Variants in MSRA observed in about 807,000 individuals in gnomAD.
The protein encoded by MSRA is methionine sulfoxide reductase A.
Under a neutral mutation model 31.3 loss-of-function variants are expected in MSRA, and 54 were observed. That is an observed-to-expected ratio of 1.73 (90% CI 1.39 to 2.17). The LOEUF (loss-of-function observed/expected upper bound fraction) is 2.17. Ranked by LOEUF, MSRA falls within the 30% of genes most tolerant of loss-of-function variation. The pLI is 0.00. For synonymous variants in MSRA, 169 were observed against 116.5 expected (o/e 1.45, Z -2.90); for missense variants, 507 against 300.9 (o/e 1.69, Z -5.07).
intron 5 of MSRA, among the ~76,000 whole-genome samples, chr8:10,423,623 G>GGGCT (rs1808948324): frequency 6.6e-6 from 1 of 152,172 alleles, no homozygotes; most frequent in Non-Finnish European, 1.5e-5. Context: ...AAGAGCAAAT[G>GGGCT]GGCTTTTTCA....
intron 5 of MSRA, among the ~76,000 whole-genome samples, chr8:10,380,950 T>C (rs1447062359): frequency 6.6e-6 from 1 of 151,416 alleles, no homozygotes; most frequent in Non-Finnish European, 1.5e-5. Flanking sequence ...GAGGGAGGCA[T>C]GGATAGATGG....
chr8:10,130,544 A>G (rs552763249), intron 1 of MSRA, among the ~76,000 whole-genome samples: 2 of 152,288 alleles, frequency 1.3e-5, no homozygotes, highest in Non-Finnish European at 2.9e-5. Context: ...CTGGGAAGCT[A>G]TTAGACAAAA....
chr8:10,139,880 G>T (rs1162796186), intron 1 of MSRA, among the ~76,000 whole-genome samples: 9 of 152,066 alleles, frequency 5.9e-5, no homozygotes, highest in African/African-American at 2.2e-4. Context: ...GTTTTCCTCA[G>T]TGTTGTGTGT....
At chr8:10,292,344 G>GT (rs1409969801) in intron 3 of MSRA, among the ~76,000 whole-genome samples, 1 of 152,226 alleles carries the variant, frequency 6.6e-6, no homozygotes, top group African/African-American at 2.4e-5. Context: ...CACATGCCCA[G>GT]TCCTGGGGCC....
At chr8:10,412,023 C>T (rs998852503) in intron 5 of MSRA, among the ~76,000 whole-genome samples, 1 of 152,226 alleles carries the variant, frequency 6.6e-6, no homozygotes, top group Non-Finnish European at 1.5e-5. Context: ...CAGGAGTACT[C>T]ATTTAAAATT....
intron 5 of MSRA, among the ~76,000 whole-genome samples, chr8:10,370,247 A>C (rs1033422712): frequency 6.6e-6 from 1 of 152,222 alleles, no homozygotes. Flanking sequence ...TCACATAACC[A>C]ATAAGTGGCA....
chr8:10,257,192 G>A (rs971468363), intron 3 of MSRA, among the ~76,000 whole-genome samples: 1 of 152,106 alleles, frequency 6.6e-6, no homozygotes, highest in Non-Finnish European at 1.5e-5. Flanking sequence ...GGCACGTACA[G>A]ACAGAAGCAT....
chr8:10,186,436 T>C (rs1807061263), intron 1 of MSRA, among the ~76,000 whole-genome samples: 1 of 152,196 alleles, frequency 6.6e-6, no homozygotes. Flanking sequence ...TTTGAATCTC[T>C]TAGAATTTGC....
In MSRA at chr8:10,301,599, C is replaced by G; in HGVS notation, c.397C>G (p.Leu133Val). Reference sequence around the variant, plus strand: ...GCCAGAACACATGAGTTTTGAGGAACTGCTCAAGGTCTTCTGGGAGAATCA... The same window carrying G: ...GCCAGAACACATGAGTTTTGAGGAAGTGCTCAAGGTCTTCTGGGAGAATCA... ...YQPEHMSFEE[L>V]LKVFWENHDP... Residue 133 changes from leucine to valine, a missense_variant, in exon 4 of 6, where the codon CTG becomes GTG. By Grantham distance (32) the Leu-to-Val change is conservative. Transcript: ENST00000317173. 4 of 1,614,098 alleles carry G rather than the reference C, an allele frequency of 2.5e-6. No individual in the cohort carries two copies. Among genetic ancestry groups the G allele is most frequent in the South Asian group, 1.1e-5 (1 of 91,088 alleles).
chr8:10,388,527 G>A (rs1359678967), intron 5 of MSRA, among the ~76,000 whole-genome samples: 1 of 152,140 alleles, frequency 6.6e-6, no homozygotes, highest in East Asian at 1.9e-4. Context: ...CTGGTCTCCT[G>A]CGTGAGCTTC....
chr8:10,365,244 C>T (rs1195981629), intron 5 of MSRA, among the ~76,000 whole-genome samples: 1 of 151,470 alleles, frequency 6.6e-6, no homozygotes, highest in African/African-American at 2.4e-5. Flanking sequence ...TCTTAATTTC[C>T]TGACCAGCTT....
rs181073591 is a variant in MSRA, at chr8:10,150,212, C to T, written c.143-57621C>T. 2.2e-4 allele frequency among the ~76,000 whole-genome samples: 34 copies of T among 152,126 alleles called. No individual in the cohort carries two copies. The East Asian group carries it at 4.7e-3, about 21-fold the overall frequency. ...TAGGATGTCCTTTGTCCTATATTCT[C>T]GGCTCTTTTCAAATTGAAGGAAGTG... is the stretch of plus-strand genomic sequence containing the variant. On this transcript the variant is annotated intron_variant, in intron 1 of 5. Coordinates refer to ENST00000317173, the MANE Select transcript of MSRA (RefSeq NM_012331.5).
intron 3 of MSRA, among the ~76,000 whole-genome samples, chr8:10,285,472 C>G (rs146958597): frequency 6.6e-6 from 1 of 152,052 alleles, no homozygotes; most frequent in Non-Finnish European, 1.5e-5. Flanking sequence ...TCACCTCAGA[C>G]GTTTATCATT....
At chr8:10,137,911 C>T (rs1441212699) in intron 1 of MSRA, among the ~76,000 whole-genome samples, 2 of 152,080 alleles carry the variant, frequency 1.3e-5, no homozygotes, top group East Asian at 1.9e-4. Flanking sequence ...AAGAAGAGAC[C>T]GCAAAGGCAT....
chr8:10,120,447 A>T (rs1034365942), intron 1 of MSRA, among the ~76,000 whole-genome samples: 2 of 152,212 alleles, frequency 1.3e-5, no homozygotes, highest in African/African-American at 4.8e-5. Flanking sequence ...AAGGGTAGTG[A>T]CACCACGATT....
At chr8:10,201,393 C>A (rs921095312) in intron 1 of MSRA, among the ~76,000 whole-genome samples, 2 of 152,140 alleles carry the variant, frequency 1.3e-5, no homozygotes, top group African/African-American at 2.4e-5. Flanking sequence ...GATTTTGTGT[C>A]TAGTGGCTAA....
intron 3 of MSRA, among the ~76,000 whole-genome samples, chr8:10,268,427 A>T (rs1486316625): frequency 1.3e-5 from 2 of 152,134 alleles, no homozygotes; most frequent in Non-Finnish European, 2.9e-5. Context: ...TTCACTTTCC[A>T]TGGCACCTGA....
At chr8:10,411,636 G>C (rs1282703948) in intron 5 of MSRA, 2 of 152,202 alleles carry the variant, frequency 1.3e-5, no homozygotes, top group Non-Finnish European at 2.9e-5. Flanking sequence ...ACCTGCCCTA[G>C]GGCAAGAGAA....
At chr8:10,389,423 G>A (rs1380157108) in intron 5 of MSRA, among the ~76,000 whole-genome samples, 3 of 152,222 alleles carry the variant, frequency 2.0e-5, no homozygotes, top group African/African-American at 7.2e-5. Flanking sequence ...TTTTTTAAAC[G>A]TAGCTGTTAT....
Sources: gnomAD v4.1 joint callset for allele counts (sites outside exome capture counted in the v4.1 genomes callset) on GRCh38, gnomAD v4.1.1 for gene constraint, MANE v1.5 for transcripts, NCBI Gene and HGNC (gene_info 2026-07-23, HGNC 2026-07-21) for gene names.